Variants in KCNIP4 observed in about 807,000 individuals in gnomAD.
KCNIP4 encodes potassium voltage-gated channel interacting protein 4, also known as Kv channel-interacting protein 4.
Under a neutral mutation model 34.0 loss-of-function variants are expected in KCNIP4, and 12 were observed. The observed-to-expected ratio is 0.35, with a 90% CI of 0.23 to 0.57. KCNIP4 has a LOEUF of 0.57. KCNIP4 is among the 20% of genes least tolerant of loss of function. The pLI, the probability that KCNIP4 is intolerant of heterozygous loss-of-function variation, is 0.83. For missense variants in KCNIP4, 238 were observed against 311.7 expected (o/e 0.76, Z 1.78); for synonymous variants, 124 against 102.2 (o/e 1.21, Z -1.29).
chr4:21,732,811 A>G (rs1323755859), intron 1 of KCNIP4, among the ~76,000 whole-genome samples: 1 of 152,234 alleles, frequency 6.6e-6, no homozygotes, highest in Non-Finnish European at 1.5e-5. Context: ...AGGAGTAATC[A>G]GGGTCCAAAT....
chr4:21,428,770 G>A (rs1015559219), intron 1 of KCNIP4, among the ~76,000 whole-genome samples: 4 of 152,130 alleles, frequency 2.6e-5, no homozygotes, highest in East Asian at 1.9e-4. Context: ...CAATAAGGAG[G>A]ACAGACTAGA....
intron 1 of KCNIP4, among the ~76,000 whole-genome samples, chr4:21,885,738 G>A (rs1560787371): frequency 6.6e-6 from 1 of 152,092 alleles, no homozygotes; most frequent in Non-Finnish European, 1.5e-5. Context: ...TAAGAGGGAG[G>A]AGACACTTCC....
chr4:20,885,708 T>A (rs1430219755), intron 1 of KCNIP4, among the ~76,000 whole-genome samples: 5 of 152,188 alleles, frequency 3.3e-5, no homozygotes, highest in Non-Finnish European at 7.3e-5. Flanking sequence ...CAGTATCTGC[T>A]TCAAAAAGTT....
At chr4:21,615,051 G>C (rs1177073708) in intron 1 of KCNIP4, among the ~76,000 whole-genome samples, 1 of 151,966 alleles carries the variant, frequency 6.6e-6, no homozygotes, top group Non-Finnish European at 1.5e-5. Flanking sequence ...GGCTTTCCTG[G>C]TTAAAAACTA....
chr4:20,749,762 G>C (rs1370616717), intron 4 of KCNIP4, 30 bp from the exon 5 acceptor site: 1 of 1,487,266 alleles, frequency 6.7e-7, no homozygotes, highest in African/African-American at 1.4e-5. Flanking sequence ...GTATCATTAA[G>C]TCAGTGTTTC....
intron 1 of KCNIP4, among the ~76,000 whole-genome samples, chr4:20,911,425 G>T (rs1018781160): frequency 2.6e-5 from 4 of 152,148 alleles, no homozygotes; most frequent in Admixed American, 2.6e-4. Flanking sequence ...AGTGTGAGTA[G>T]AAATAGATTG....
At chr4:20,944,399 G>C (rs1479181275) in intron 1 of KCNIP4, among the ~76,000 whole-genome samples, 5 of 152,166 alleles carry the variant, frequency 3.3e-5, no homozygotes, top group Non-Finnish European at 7.3e-5. Context: ...TTCACTCAAG[G>C]TGACTACTGA....
intron 1 of KCNIP4, among the ~76,000 whole-genome samples, chr4:21,540,138 A>G (rs997910850): frequency 2.0e-5 from 3 of 152,206 alleles, no homozygotes; most frequent in South Asian, 4.1e-4. Flanking sequence ...TTAGGCCTTC[A>G]GATTTGAAAA....
chr4:21,638,993 T>C (rs971734726), intron 1 of KCNIP4, among the ~76,000 whole-genome samples: 2 of 152,226 alleles, frequency 1.3e-5, no homozygotes, highest in African/African-American at 4.8e-5. Flanking sequence ...TTTAAAGGAA[T>C]AATTATATGA....
At chr4:21,663,399 A>G (rs1422635290) in intron 1 of KCNIP4, among the ~76,000 whole-genome samples, 1 of 152,188 alleles carries the variant, frequency 6.6e-6, no homozygotes, top group East Asian at 1.9e-4. Flanking sequence ...GGAGGTGCCC[A>G]TCGGAGGAAC....
intron 1 of KCNIP4, among the ~76,000 whole-genome samples, chr4:21,765,241 G>A (rs997181427): frequency 4.0e-5 from 6 of 149,750 alleles, no homozygotes; most frequent in Non-Finnish European, 7.4e-5. Context: ...CTGCAACCTC[G>A]ACCTCCGGGG....
At chr4:20,972,971 C>CA (rs1458823753) in intron 1 of KCNIP4, among the ~76,000 whole-genome samples, 2 of 152,134 alleles carry the variant, frequency 1.3e-5, no homozygotes, top group East Asian at 3.9e-4. Context: ...TCTAGAAGGG[C>CA]AAAGAAAGTG....
intron 1 of KCNIP4, among the ~76,000 whole-genome samples, chr4:21,192,283 C>A (rs1351878377): frequency 6.6e-6 from 1 of 152,154 alleles, no homozygotes; most frequent in African/African-American, 2.4e-5. Context: ...CTTTTACACT[C>A]TTGAGGAAAA....
chr4:20,984,803 A>G (rs1474767395), intron 1 of KCNIP4, among the ~76,000 whole-genome samples: 4 of 152,162 alleles, frequency 2.6e-5, no homozygotes, highest in Admixed American at 2.0e-4. Context: ...CGTCCTTTAA[A>G]GTCTGGCCTC....
rs530438023 is a variant in KCNIP4, at chr4:21,812,180, C to T, written c.61+136391G>A. ...AGGCTACTTTATTTTAGATTATCATCATCCTTTATTACTTAATTTTTTCCC... is the reference window on the plus strand; with the variant it reads ...AGGCTACTTTATTTTAGATTATCATTATCCTTTATTACTTAATTTTTTCCC... On this transcript the variant is annotated intron_variant, in intron 1 of 8. Transcript: ENST00000382152. Among the ~76,000 whole-genome samples, 10 of 152,282 alleles carry T rather than the reference C, an allele frequency of 6.6e-5. No homozygotes were observed. The South Asian group carries it at 2.1e-3, about 32-fold the overall frequency.
intron 1 of KCNIP4, among the ~76,000 whole-genome samples, chr4:21,932,532 G>A (rs1729629947): frequency 6.6e-6 from 1 of 152,026 alleles, no homozygotes; most frequent in African/African-American, 2.4e-5. Context: ...TTTGTTTTAG[G>A]CTTTAAAGTC....
rs1491104155 is a variant in KCNIP4, at chr4:21,455,808, C to CTTAT, written c.61+492762_61+492763insATAA. Among the ~76,000 whole-genome samples, 61 of 71,906 alleles carry CTTAT rather than the reference C, an allele frequency of 8.5e-4. 8 individuals are homozygous for CTTAT. Among genetic ancestry groups the CTTAT allele is most frequent in the South Asian group, 1.7e-3 (3 of 1,800 alleles). The allele number at this position is 71,906 out of a possible 152,430, so 47.2% of individuals were successfully genotyped here. A position where few individuals can be genotyped will look rare whatever the true frequency, so the allele number is the denominator to read the frequency against. On this transcript the variant is annotated intron_variant, in intron 1 of 8. Transcript: ENST00000382152. ...TTAATGTGATAGTCTTACAGATATT[C>CTTAT]ATATATATATATATATATATATATA... is the stretch of plus-strand genomic sequence containing the variant.
chr4:21,838,028 TCA>T (rs1463910042), intron 1 of KCNIP4, among the ~76,000 whole-genome samples: 1 of 152,150 alleles, frequency 6.6e-6, no homozygotes, highest in Non-Finnish European at 1.5e-5. Flanking sequence ...AATTTATTAC[TCA>T]CTTAAAAGCT....
chr4:21,920,360 G>T (rs1728872457), intron 1 of KCNIP4, among the ~76,000 whole-genome samples: 1 of 152,064 alleles, frequency 6.6e-6, no homozygotes, highest in Non-Finnish European at 1.5e-5. Context: ...AAACTATATA[G>T]AATTACAACT....
Sources: gnomAD v4.1 joint callset for allele counts (sites outside exome capture counted in the v4.1 genomes callset) on GRCh38, gnomAD v4.1.1 for gene constraint, MANE v1.5 for transcripts, NCBI Gene and HGNC (gene_info 2026-07-23, HGNC 2026-07-21) for gene names.